ZNF782: variants seen among roughly 807,000 people sequenced by gnomAD.
The protein encoded by ZNF782 is zinc finger protein 782.
In ZNF782, 12 loss-of-function variants were observed where a neutral mutation model predicts 13.0. The ratio of observed to expected loss-of-function variants is 0.92; its 90% CI spans 0.59 to 1.50. The LOEUF (loss-of-function observed/expected upper bound fraction) is 1.50. Ranked by LOEUF, ZNF782 falls within the 40% of genes most tolerant of loss-of-function variation. The pLI is 0.00. For missense variants in ZNF782, 770 were observed against 822.9 expected (o/e 0.94, Z 0.79); for synonymous variants, 284 against 283.0 (o/e 1.00, Z -0.04).
the ZNF782 span, among the ~76,000 whole-genome samples, chr9:96,921,431 G>T: frequency 2.1e-5 from 3 of 142,042 alleles, no homozygotes; most frequent in Non-Finnish European, 4.6e-5. Context: ...TACTCGGGAG[G>T]CTGAGGCAGG....
At chr9:96,876,132 G>A (rs990759680), upstream of ZNF782, among the ~76,000 whole-genome samples, 1 of 152,126 alleles carries the variant, frequency 6.6e-6, no homozygotes, top group Non-Finnish European at 1.5e-5. Context: ...ATCAAATCCC[G>A]ATTGGAAAAA....
chr9:96,877,668 T>C (rs1169159924), upstream of ZNF782, among the ~76,000 whole-genome samples: 1 of 152,132 alleles, frequency 6.6e-6, no homozygotes, highest in African/African-American at 2.4e-5. Context: ...TCCGCGGTCT[T>C]GAAGCAATTT....
chr9:96,894,375 C>A, the ZNF782 span: 2 of 152,252 alleles, frequency 1.3e-5, no homozygotes, highest in African/African-American at 4.8e-5. Context: ...AATATCTGAT[C>A]ATCCTCCATA....
chr9:96,925,474 C>G, the ZNF782 span, among the ~76,000 whole-genome samples: 2 of 151,966 alleles, frequency 1.3e-5, no homozygotes, highest in Non-Finnish European at 2.9e-5. Flanking sequence ...CCCGTCTCTA[C>G]CAAAAATACA....
At chr9:96,841,047 C>T (rs868587010) in intron 4 of ZNF782, among the ~76,000 whole-genome samples, 5 of 151,794 alleles carry the variant, frequency 3.3e-5, no homozygotes, top group Middle Eastern at 6.8e-3. Context: ...ACAGAAATGA[C>T]CAATATAAAG....
the ZNF782 span, among the ~76,000 whole-genome samples, chr9:96,912,448 C>A: frequency 2.0e-5 from 3 of 148,648 alleles, no homozygotes; most frequent in Admixed American, 6.7e-5. Context: ...GAGCCGAGAT[C>A]GTGCCACTGC....
chr9:96,875,698 G>C, upstream of ZNF782: 1 of 424,656 alleles, frequency 2.4e-6, no homozygotes, highest in Non-Finnish European at 4.7e-6. Context: ...TCGATCCTGG[G>C]GTCCCCCCGG....
At chr9:96,833,440 A>C (rs1469846299) in intron 4 of ZNF782, among the ~76,000 whole-genome samples, 1 of 152,172 alleles carries the variant, frequency 6.6e-6, no homozygotes, top group East Asian at 1.9e-4. Flanking sequence ...TTGACAGTTT[A>C]AAGGACATTG....
upstream of ZNF782, among the ~76,000 whole-genome samples, chr9:96,854,967 A>C (rs1851620283): frequency 6.6e-6 from 1 of 152,150 alleles, no homozygotes; most frequent in South Asian, 2.1e-4. Flanking sequence ...AAATGATATA[A>C]CTTTGAATTT....
At chr9:96,857,471 A>C (rs1009210968), upstream of ZNF782, among the ~76,000 whole-genome samples, 12 of 152,262 alleles carry the variant, frequency 7.9e-5, no homozygotes, top group African/African-American at 2.9e-4. Flanking sequence ...GTCATTCCTA[A>C]GAGTTCTTAT....
chr9:96,927,966 C>CA, the ZNF782 span, among the ~76,000 whole-genome samples: 1 of 147,596 alleles, frequency 6.8e-6, no homozygotes, highest in African/African-American at 2.6e-5. Flanking sequence ...TTTTTACCCC[C>CA]AAAAAACTGA....
At position 96,817,975 on chromosome 9, in the gene ZNF782, A is replaced by G. The variant is rs556259847; in HGVS notation, c.2048T>C (p.Phe683Ser). The G allele has an allele frequency of 1.1e-5, 17 of 1,605,226 alleles. No individual in the cohort carries two copies. In the Admixed American group the frequency reaches 2.7e-4, roughly 26 times the overall value. The stretch of plus-strand genomic sequence containing the variant: ...TTCTCTAAGGCTTGATTTTTGACTG[A>G]AAGTTCTCCCACATTTATCACATTT... ...PYKCDKCGRT[F>S]SQKSSLREHQ... The change falls in exon 6 of 6, where the codon TTC becomes TCC. Residue 683 changes from phenylalanine (F) to serine (S), a missense_variant. By Grantham distance (155) the Phe-to-Ser change is radical (BLOSUM62 -2). Coordinates refer to ENST00000481138, the MANE Select transcript of ZNF782 (RefSeq NM_001001662.3).
At chr9:96,836,120 G>A (rs1850988268) in intron 4 of ZNF782, among the ~76,000 whole-genome samples, 1 of 152,202 alleles carries the variant, frequency 6.6e-6, no homozygotes, top group Non-Finnish European at 1.5e-5. Flanking sequence ...TGGAGTCAAA[G>A]GAGACTATTC....
chr9:96,893,846 A>G, the ZNF782 span: 3 of 143,762 alleles, frequency 2.1e-5, no homozygotes, highest in Non-Finnish European at 1.5e-5. Context: ...TAAAAATACA[A>G]AAAATTAGCC....
the ZNF782 span, among the ~76,000 whole-genome samples, chr9:96,881,690 T>C: frequency 1.3e-5 from 2 of 152,114 alleles, 1 homozygote; most frequent in African/African-American, 4.8e-5. Flanking sequence ...TGCTGAGGTA[T>C]CTTGGCACCT....
chr9:96,853,724 G>T (rs1368286557), intron 1 of ZNF782, among the ~76,000 whole-genome samples: 1 of 152,186 alleles, frequency 6.6e-6, no homozygotes, highest in Non-Finnish European at 1.5e-5. Context: ...CTGCAATGCT[G>T]GTTTTAGGCA....
exon 2 of ZNF782, chr9:96,861,584 C>T (rs1168969469): frequency 6.5e-6 from 1 of 154,088 alleles, no homozygotes; most frequent in Non-Finnish European, 1.5e-5. Context: ...GCACTCCAAC[C>T]TGAGTGACAA....
chr9:96,876,696 C>CA (rs1157364960), upstream of ZNF782, among the ~76,000 whole-genome samples: 1 of 152,050 alleles, frequency 6.6e-6, no homozygotes, highest in Non-Finnish European at 1.5e-5. Context: ...AAAATACGCA[C>CA]AACGCAAAAT....
At chr9:96,862,248 A>G (rs2118862933) in intron 1 of ZNF782, among the ~76,000 whole-genome samples, 1 of 152,338 alleles carries the variant, frequency 6.6e-6, no homozygotes, top group Non-Finnish European at 1.5e-5. Flanking sequence ...GGGGGTAAAG[A>G]GTAATGGTTA....
Sources: allele counts gnomAD v4.1 joint callset (sites outside exome capture counted in the v4.1 genomes callset), GRCh38; gene constraint gnomAD v4.1.1; transcripts MANE v1.5; gene names NCBI Gene and HGNC (gene_info 2026-07-23, HGNC 2026-07-21).